Variants in DEFA5 observed in about 807,000 individuals in gnomAD.
DEFA5 encodes the protein HD5(20-94).
A neutral mutation model predicts 8.7 loss-of-function variants in DEFA5; 11 were observed. The ratio of observed to expected loss-of-function variants is 1.26; its 90% CI spans 0.80 to 2.09. The LOEUF is 2.09. Among genes scored for constraint, DEFA5 ranks in the 30% most tolerant of loss-of-function variants. The pLI is 0.00. For synonymous variants in DEFA5, 52 were observed against 43.9 expected (o/e 1.18, Z -0.73); for missense variants, 181 against 117.2 (o/e 1.54, Z -2.52).
rs181889875 is a variant in DEFA5, at chr8:7,056,302, A to G, written c.172+224T>C. Among the ~76,000 whole-genome samples, 22 of 152,166 alleles carry G rather than the reference A, an allele frequency of 1.4e-4. No homozygotes were observed. In the South Asian group the frequency reaches 1.4e-3, roughly 10 times the overall value. On this transcript the variant is annotated intron_variant, in intron 1 of 1. Coordinates refer to ENST00000330590, the MANE Select transcript of DEFA5 (RefSeq NM_021010.3). Reference sequence around the variant, plus strand: ...GTGTAGCTCTTTCTATCTTAAAAGTAGCAAATTTCACAGAAATATCTTGGA... The same window carrying G: ...GTGTAGCTCTTTCTATCTTAAAAGTGGCAAATTTCACAGAAATATCTTGGA...
At chr8:7,056,433 A>T (rs1585106279) in intron 1 of DEFA5, 93 bp downstream of exon 1, 2 of 1,288,044 alleles carry the variant, frequency 1.6e-6, no homozygotes, top group East Asian at 4.7e-5. Context: ...AAAGTCACTC[A>T]AGTGAGGTAG....
At chr8:7,055,581 G>T in intron 1 of DEFA5, 38 bp from the exon 2 acceptor site, 1 of 1,430,530 alleles carries the variant, frequency 7.0e-7, no homozygotes. Context: ...AGCGAGGGAG[G>T]TGGGAAAAAG....
At chr8:7,056,087 A>G (rs138924410) in intron 1 of DEFA5, among the ~76,000 whole-genome samples, 1 of 135,456 alleles carries the variant, frequency 7.4e-6, no homozygotes, top group East Asian at 2.3e-4. Context: ...ATAATTGTGT[A>G]TATGTATGAG....
intron 1 of DEFA5, among the ~76,000 whole-genome samples, chr8:7,056,157 G>T (rs563937431): frequency 6.6e-6 from 1 of 151,582 alleles, no homozygotes; most frequent in South Asian, 2.1e-4. Context: ...AAGCCTATTA[G>T]CCTACATCAA....
intron 1 of DEFA5, among the ~76,000 whole-genome samples, chr8:7,055,940 A>T (rs576956346): frequency 6.6e-6 from 1 of 151,170 alleles, no homozygotes; most frequent in Admixed American, 6.6e-5. Flanking sequence ...TGCTAATGTC[A>T]TGGACCAAAT....
chr8:7,056,738 G>C lies in DEFA5; in HGVS notation c.-41C>G, dbSNP rs543527918. The stretch of plus-strand genomic sequence containing the variant: ...CAGGAGGGAGAGCAGGAGTGGATAT[G>C]TGGGGAGTGAGGAGTCAGCCTGGAT... On this transcript the variant is annotated 5_prime_UTR_variant, in exon 1 of 2. Transcript: ENST00000330590. The C allele has an allele frequency of 1.9e-6, 3 of 1,568,810 alleles. No homozygotes were observed. The highest frequency in any genetic ancestry group is 1.2e-5 in the South Asian group (1 of 86,076).
In DEFA5 at chr8:7,056,631, G is replaced by A. The variant is rs1408589761; in HGVS notation, c.67C>T (p.Gln23Ter). 1 of 1,614,126 alleles carries A rather than the reference G, an allele frequency of 6.2e-7. No individual in the cohort carries two copies. The highest frequency in any genetic ancestry group is 1.7e-5 in the Admixed American group (1 of 60,028). Residue 23 changes from glutamine to a stop codon, truncating the protein, a stop_gained, in exon 1 of 2, where the codon CAG (glutamine) becomes TAG (stop). Transcript: ENST00000330590. LOFTEE classifies it high-confidence loss of function. Reference sequence around the variant, plus strand: ...GTTGTAGCCTCATCAGCTCTTTCCTGGAGTGACTCAGCCTGGGCCTGCAGG... The same window carrying A: ...GTTGTAGCCTCATCAGCTCTTTCCTAGAGTGACTCAGCCTGGGCCTGCAGG... ...VALQAQAESL[Q>*]ERADEATTQK...
chr8:7,056,399 A>C, intron 1 of DEFA5, 127 bp downstream of exon 1: 1 of 971,724 alleles, frequency 1.0e-6, no homozygotes, highest in Non-Finnish European at 1.4e-6. Context: ...TAGATGAGAA[A>C]ATCAAGGTCC....
chr8:7,056,214 G>C (rs1812424921), intron 1 of DEFA5, among the ~76,000 whole-genome samples: 2 of 151,836 alleles, frequency 1.3e-5, no homozygotes, highest in African/African-American at 4.8e-5. Context: ...TTTTCCAATG[G>C]ACAAAGTAAA....
In DEFA5 at chr8:7,056,703, G is replaced by C. The variant is rs1207898095; in HGVS notation, c.-6C>G. 1.2e-6 allele frequency: 2 copies of C among 1,607,048 alleles called. No homozygotes were observed. Among genetic ancestry groups the C allele is most frequent in the Non-Finnish European group, 1.7e-6 (2 of 1,175,326 alleles). On this transcript the variant is annotated 5_prime_UTR_variant, in exon 1 of 2. Coordinates refer to ENST00000330590, the MANE Select transcript of DEFA5 (RefSeq NM_021010.3). ...AGGATGGCGATGGTCCTCATGGCTGGGGTCACCTGCAGGAGGGAGAGCAGG... is the reference window on the plus strand; with the variant it reads ...AGGATGGCGATGGTCCTCATGGCTGCGGTCACCTGCAGGAGGGAGAGCAGG...
chr8:7,056,014 CTTTTTTTTT>C (rs56220551), intron 1 of DEFA5, among the ~76,000 whole-genome samples: 7 of 112,954 alleles, frequency 6.2e-5, no homozygotes, highest in Admixed American at 9.5e-5. Context: ...TCTGTCTCTC[CTTTTTTTTT>C]TTTTTTTTTT....
Position 7,056,524 on chromosome 8 carries a change from A to G in DEFA5, c.172+2T>C. On this transcript the variant is annotated splice_donor_variant, in intron 1 of 1. Transcript: ENST00000330590. LOFTEE classifies it high-confidence loss of function. ...CAGATGTGCAAGATTGATGTCTCCT[A>G]CCTGAGGTTCTAAGAGCAGAGAGTC... The G allele has an allele frequency of 1.9e-6, 3 of 1,607,184 alleles. No homozygotes were observed. The highest frequency in any genetic ancestry group is 1.1e-5 in the South Asian group (1 of 90,560).
rs765645949 is a variant in DEFA5 at position 7,056,685 on chromosome 8, C to T, written c.13G>A (p.Ala5Thr). The stretch of plus-strand genomic sequence containing the variant: ...ACCAGGAGAATGGCAGCAAGGATGG[C>T]GATGGTCCTCATGGCTGGGGTCACC... MRTI[A>T]ILAAILLVAL... is the part of the protein sequence containing the mutation. Residue 5 changes from alanine to threonine, a missense_variant, in exon 1 of 2, where the codon GCC becomes ACC. Physicochemically the swap from Ala to Thr is moderately conservative, Grantham distance 58. Transcript: ENST00000330590. 4.2e-5 allele frequency: 67 copies of T among 1,611,826 alleles called. No homozygotes were observed. Among genetic ancestry groups the T allele is most frequent in the Non-Finnish European group, 5.1e-5 (60 of 1,178,816 alleles).
At position 7,056,426 on chromosome 8, in the gene DEFA5, G is replaced by T. The variant is rs1563111555; in HGVS notation, c.172+100C>A. ...TCAAGGTCCAGGAAGATTAAGTAAA[G>T]TCACTCAAGTGAGGTAGACCTTTCC... On this transcript the variant is annotated intron_variant, in intron 1 of 1. Coordinates refer to ENST00000330590, the MANE Select transcript of DEFA5 (RefSeq NM_021010.3). The T allele has an allele frequency of 4.2e-6, 5 of 1,201,776 alleles. No individual in the cohort carries two copies. In the South Asian group the frequency reaches 8.7e-5, roughly 21 times the overall value. The allele number at this position is 1,201,776 out of a possible 1,614,324, so 74.4% of individuals were successfully genotyped here.
rs1465518574 is a variant in DEFA5, at chr8:7,056,507, C to G, written c.172+19G>C. ...TTTTTTTCTAGATTTTGCAGATGTG[C>G]AAGATTGATGTCTCCTACCTGAGGT... On this transcript the variant is annotated intron_variant, in intron 1 of 1. Coordinates refer to ENST00000330590, the MANE Select transcript of DEFA5 (RefSeq NM_021010.3). 2 of 1,589,710 alleles carry G rather than the reference C, an allele frequency of 1.3e-6. No homozygotes were observed. Among genetic ancestry groups the G allele is most frequent in the East Asian group, 2.3e-5 (1 of 44,368 alleles).
At chr8:7,055,897 C>T (rs1417344133) in intron 1 of DEFA5, among the ~76,000 whole-genome samples, 1 of 152,068 alleles carries the variant, frequency 6.6e-6, no homozygotes, top group East Asian at 1.9e-4. Context: ...CCCTAAAGCA[C>T]CTGAATCAGT....
At chr8:7,056,445 C>A (rs1459433878) in intron 1 of DEFA5, 81 bp downstream of exon 1, 13 of 1,411,534 alleles carry the variant, frequency 9.2e-6, no homozygotes, top group African/African-American at 1.4e-5. Flanking sequence ...GTGAGGTAGA[C>A]CTTTCCACAC....
In DEFA5 at chr8:7,055,351, A is replaced by G. The variant is rs1473466161; in HGVS notation, c.*80T>C. On this transcript the variant is annotated 3_prime_UTR_variant, in exon 2 of 2. Transcript: ENST00000330590. The stretch of plus-strand genomic sequence containing the variant: ...GGAGAGAGAAATTTAGAAAGACACA[A>G]GGTACACAGAGTAAAATGTTTTTCT... The G allele has an allele frequency of 9.9e-7, 1 of 1,007,318 alleles. No homozygotes were observed. The highest frequency in any genetic ancestry group is 1.5e-6 in the Non-Finnish European group (1 of 656,292). 62.4% of individuals were successfully genotyped at this position (1,007,318 alleles called of 1,614,324 possible).
Position 7,055,352 on chromosome 8 carries a change from G to A in DEFA5, c.*79C>T, listed in dbSNP as rs1812376638. ...GAGAGAGAAATTTAGAAAGACACAAGGTACACAGAGTAAAATGTTTTTCTT... is the reference window on the plus strand; with the variant it reads ...GAGAGAGAAATTTAGAAAGACACAAAGTACACAGAGTAAAATGTTTTTCTT... On this transcript the variant is annotated 3_prime_UTR_variant, in exon 2 of 2. Transcript: ENST00000330590. The A allele has an allele frequency of 9.7e-7, 1 of 1,028,212 alleles. No individual in the cohort carries two copies. Among genetic ancestry groups the A allele is most frequent in the Non-Finnish European group, 1.5e-6 (1 of 673,668 alleles). 63.7% of individuals were successfully genotyped at this position (1,028,212 alleles called of 1,614,324 possible).
Sources: allele counts gnomAD v4.1 joint callset (sites outside exome capture counted in the v4.1 genomes callset), GRCh38; gene constraint gnomAD v4.1.1; transcripts MANE v1.5; gene names NCBI Gene and HGNC (gene_info 2026-07-23, HGNC 2026-07-21).